PAK2: variants seen among roughly 807,000 people sequenced by gnomAD.
PAK2 encodes serine/threonine-protein kinase PAK 2.
PAK2 carries 21 observed loss-of-function variants against 65.9 expected under a neutral mutation model. That is an observed-to-expected ratio of 0.32 (90% CI 0.23 to 0.46). The LOEUF (loss-of-function observed/expected upper bound fraction) is 0.46, where lower values mean the gene tolerates loss of function less well. Among genes scored for constraint, PAK2 ranks in the 20% least tolerant of loss-of-function variants. The pLI, the probability that PAK2 is intolerant of heterozygous loss-of-function variation, is 1.00. For synonymous variants in PAK2, 204 were observed against 219.7 expected, an observed-to-expected ratio of 0.93 and a Z score of 0.63; for missense variants, 324 against 642.6, an observed-to-expected ratio of 0.50 and a Z score of 5.36.
rs751408265 is a variant in PAK2 at position 196,803,106 on chromosome 3, C to T, written c.378C>T (p.Val126=). 11 of 1,612,770 alleles carry T rather than the reference C, an allele frequency of 6.8e-6. No homozygotes were observed. The highest frequency in any genetic ancestry group is 9.3e-6 in the Non-Finnish European group (11 of 1,179,254). ...QKKNPQAVLD[V]LKFYDSNTVK... ...AGAATCCTCAGGCTGTGCTGGATGT[C>T]CTAAAGTTCTACGACTCCAACACAG... Residue 126 remains valine, a synonymous_variant, in exon 4 of 15, where the codon GTC becomes GTT. Coordinates refer to ENST00000327134, the MANE Select transcript of PAK2 (RefSeq NM_002577.4).
chr3:196,755,551 C>T (rs571529162), intron 1 of PAK2, among the ~76,000 whole-genome samples: 52 of 151,628 alleles, frequency 3.4e-4, no homozygotes, highest in African/African-American at 1.2e-3. Flanking sequence ...CTCTACTTCC[C>T]GGGTTCAAGT....
At chr3:196,770,988 T>A (rs1560098213) in intron 1 of PAK2, among the ~76,000 whole-genome samples, 2 of 152,008 alleles carry the variant, frequency 1.3e-5, no homozygotes, top group Admixed American at 6.5e-5. Context: ...TTTCATTATG[T>A]CTTTTTTTAA....
intron 1 of PAK2, among the ~76,000 whole-genome samples, chr3:196,754,227 G>C (rs549022974): frequency 1.3e-5 from 2 of 152,178 alleles, no homozygotes; most frequent in East Asian, 3.9e-4. Context: ...AATTTACCTT[G>C]TAAGTTAGGT....
At position 196,771,112 on chromosome 3, in the gene PAK2, T is replaced by TA. The variant is rs541004669; in HGVS notation, c.-21-11506dup. On this transcript the variant is annotated intron_variant, in intron 1 of 14. Transcript: ENST00000327134. ...AGAGTGTGTAGTGATTCTGGTCTTT[T>TA]AAAAAAAACAATTGTCTCAATGTTT... Among the ~76,000 whole-genome samples the TA allele has an allele frequency of 1.7e-3, 256 of 151,900 alleles. 3 individuals are homozygous for TA. The highest frequency in any genetic ancestry group is 5.3e-3 in the African/African-American group (220 of 41,350).
At position 196,830,791 on chromosome 3, in the gene PAK2, ACAATC is replaced by A. The variant is rs1712052480; in HGVS notation, c.*2387_*2391del. ...TAATTTTGAAATGTGTCATTTTTAAACAATCTTAAAAGTAATACAGAATTGTGATT... is the reference window on the plus strand; with the variant it reads ...TAATTTTGAAATGTGTCATTTTTAAATTAAAAGTAATACAGAATTGTGATT... On this transcript the variant is annotated 3_prime_UTR_variant, in exon 15 of 15. Coordinates refer to ENST00000327134, the MANE Select transcript of PAK2 (RefSeq NM_002577.4). 1 of 152,252 alleles carries A rather than the reference ACAATC, an allele frequency of 6.6e-6. No individual in the cohort carries two copies. The highest frequency in any genetic ancestry group is 1.5e-5 in the Non-Finnish European group (1 of 68,044). 9.4% of individuals were successfully genotyped at this position (152,252 alleles called of 1,614,324 possible).
chr3:196,769,028 T>C (rs1013598808), intron 1 of PAK2, among the ~76,000 whole-genome samples: 4 of 151,992 alleles, frequency 2.6e-5, no homozygotes, highest in Non-Finnish European at 5.9e-5. Flanking sequence ...CCTTTTTTGA[T>C]GTAAACATTC....
At chr3:196,825,584 A>G (rs1577755346) in intron 13 of PAK2, among the ~76,000 whole-genome samples, 1 of 150,406 alleles carries the variant, frequency 6.6e-6, no homozygotes, top group East Asian at 2.0e-4. Flanking sequence ...TGAAGGTTGC[A>G]TCGAGCTGAG....
chr3:196,826,686 C>T (rs761051250), intron 13 of PAK2, among the ~76,000 whole-genome samples: 18 of 151,778 alleles, frequency 1.2e-4, no homozygotes, highest in Admixed American at 2.6e-4. Flanking sequence ...TTTGGGAGGC[C>T]GAGGCAGGTG....
intron 1 of PAK2, among the ~76,000 whole-genome samples, chr3:196,753,366 GCCT>G (rs1713670215): frequency 6.6e-6 from 1 of 151,780 alleles, no homozygotes; most frequent in South Asian, 2.1e-4. Flanking sequence ...CATCTCAGCC[GCCT>G]GAGTAGCTGG....
intron 13 of PAK2, among the ~76,000 whole-genome samples, chr3:196,821,931 G>C (rs993347806): frequency 6.6e-6 from 1 of 152,148 alleles, no homozygotes; most frequent in Non-Finnish European, 1.5e-5. Flanking sequence ...GTGAACAGTG[G>C]AATATTATTT....
Position 196,828,565 on chromosome 3 carries a change from A to G in PAK2, c.*160A>G, listed in dbSNP as rs1213405698. The G allele has an allele frequency of 9.8e-6, 6 of 613,920 alleles. No individual in the cohort carries two copies. The East Asian group carries it at 1.8e-4, about 18-fold the overall frequency. The allele number at this position is 613,920 out of a possible 1,614,324, so 38.0% of individuals were successfully genotyped here. On this transcript the variant is annotated 3_prime_UTR_variant, in exon 15 of 15. Transcript: ENST00000327134. Reference sequence around the variant, plus strand: ...CTGAAGACAACCAAGAGAAAATTGCAAAAAGACAAGTATGACTTTTATATG... The same window carrying G: ...CTGAAGACAACCAAGAGAAAATTGCGAAAAGACAAGTATGACTTTTATATG...
At chr3:196,810,258 T>A (rs1057219306) in intron 7 of PAK2, among the ~76,000 whole-genome samples, 1 of 152,066 alleles carries the variant, frequency 6.6e-6, no homozygotes, top group East Asian at 1.9e-4. Flanking sequence ...AGAACCTAAT[T>A]AATCTCTGAC....
At chr3:196,780,706 A>T (rs1714678805) in intron 1 of PAK2, among the ~76,000 whole-genome samples, 1 of 152,244 alleles carries the variant, frequency 6.6e-6, no homozygotes, top group Non-Finnish European at 1.5e-5. Flanking sequence ...GAGCGAAAAT[A>T]TACCATAGTG....
At chr3:196,792,978 AG>A (rs1035686630) in intron 2 of PAK2, among the ~76,000 whole-genome samples, 10 of 152,172 alleles carry the variant, frequency 6.6e-5, no homozygotes, top group Non-Finnish European at 1.5e-4. Context: ...ATCTGTGAGA[AG>A]GGAAACAAGT....
rs1374634370 is a variant in PAK2 at position 196,739,912 on chromosome 3, C to T, written c.-267C>T. The T allele has an allele frequency of 2.6e-5, 4 of 152,260 alleles. No homozygotes were observed. Among genetic ancestry groups the T allele is most frequent in the African/African-American group, 9.7e-5 (4 of 41,432 alleles). The allele number at this position is 152,260 out of a possible 1,614,324, so 9.4% of individuals were successfully genotyped here. On this transcript the variant is annotated 5_prime_UTR_variant, in exon 1 of 15. Transcript: ENST00000327134. The stretch of plus-strand genomic sequence containing the variant: ...CAGCGGCGGCGGTTGTTCCGCTTCC[C>T]CTCCGGCCCGGGCCGTCGCCATTGC...
rs1711620653 is a variant in PAK2 at position 196,820,818 on chromosome 3, T to A, written c.1350+251T>A. 6.6e-6 allele frequency among the ~76,000 whole-genome samples: 1 copy of A among 152,196 alleles called. No homozygotes were observed. The highest frequency in any genetic ancestry group is 1.5e-5 in the Non-Finnish European group (1 of 68,040). ...TTACGTAGGAAGTTTGGAGCACCTG[T>A]CTCTAAAGCTTCTCCTTCTTTTATT... On this transcript the variant is annotated intron_variant, in intron 13 of 14. Coordinates refer to ENST00000327134, the MANE Select transcript of PAK2 (RefSeq NM_002577.4). This position sits in a 1 kb window ranked among gnomAD's most constrained non-coding sequence, Gnocchi z 4.6.
At chr3:196,827,856 A>G (rs979770080) in intron 14 of PAK2, among the ~76,000 whole-genome samples, 3 of 149,922 alleles carry the variant, frequency 2.0e-5, no homozygotes, top group African/African-American at 7.4e-5. Flanking sequence ...CAGTTTGTGC[A>G]TCGTATCAAT....
intron 1 of PAK2, among the ~76,000 whole-genome samples, chr3:196,778,418 CG>C (rs1212222481): frequency 6.6e-6 from 1 of 152,134 alleles, no homozygotes; most frequent in East Asian, 1.9e-4. Context: ...AGTGGAATTG[CG>C]GGGTCGCATA....
chr3:196,818,565 C>G (rs1711549968), intron 12 of PAK2, among the ~76,000 whole-genome samples: 1 of 152,154 alleles, frequency 6.6e-6, no homozygotes, highest in Non-Finnish European at 1.5e-5. Context: ...CGGGGTTTCT[C>G]CACATTGGTC....
Sources: allele counts gnomAD v4.1 joint callset (sites outside exome capture counted in the v4.1 genomes callset), GRCh38; gene constraint gnomAD v4.1.1; non-coding constraint Gnocchi (gnomAD v3.1); transcripts MANE v1.5; gene names NCBI Gene and HGNC (gene_info 2026-07-23, HGNC 2026-07-21).